The following PHF24 variants were observed in gnomAD, a reference collection of about 807,000 sequenced individuals.
PHF24 encodes Galpha inhibitory interacting protein.
In PHF24, 25 loss-of-function variants were observed where a neutral mutation model predicts 42.6. The observed-to-expected ratio is 0.59, with a 90% CI of 0.43 to 0.82. The LOEUF (loss-of-function observed/expected upper bound fraction) is 0.82, where lower values mean the gene tolerates loss of function less well. Ranked by LOEUF, PHF24 falls within the 40% of genes least tolerant of loss-of-function variation. The probability of loss-of-function intolerance (pLI) is 0.00; values close to 1 mark genes in which losing one functional copy is unlikely to be tolerated. For missense variants in PHF24, 470 were observed against 538.1 expected (o/e 0.87, Z 1.25); for synonymous variants, 185 against 204.8 (o/e 0.90, Z 0.83).
At chr9:34,876,106 G>A in the PHF24 span, among the ~76,000 whole-genome samples, 5 of 151,934 alleles carry the variant, frequency 3.3e-5, no homozygotes, top group Admixed American at 2.0e-4. Context: ...TGTGACTCTC[G>A]GATCCAATAC....
At chr9:34,876,779 A>G in the PHF24 span, among the ~76,000 whole-genome samples, 83 of 152,292 alleles carry the variant, frequency 5.5e-4, no homozygotes, top group African/African-American at 1.9e-3. Flanking sequence ...CAGTTTGGCA[A>G]TTCCTCTATT....
chr9:34,918,403 G>A, the PHF24 span: 1 of 508,564 alleles, frequency 2.0e-6, no homozygotes, highest in South Asian at 2.5e-5. Context: ...GAATACCAAG[G>A]TCTTTAAAAA....
the PHF24 span, among the ~76,000 whole-genome samples, chr9:34,771,155 A>G: frequency 2.0e-5 from 3 of 152,230 alleles, no homozygotes; most frequent in African/African-American, 7.2e-5. Context: ...AAATACAGTC[A>G]TGTGTCACTT....
the PHF24 span, among the ~76,000 whole-genome samples, chr9:34,951,295 C>T: frequency 6.6e-6 from 1 of 152,162 alleles, no homozygotes; most frequent in Non-Finnish European, 1.5e-5. Context: ...TCCCAATCCT[C>T]AGGACTTGTG....
the PHF24 span, among the ~76,000 whole-genome samples, chr9:34,681,560 C>T: frequency 4.6e-5 from 7 of 152,310 alleles, no homozygotes; most frequent in Non-Finnish European, 8.8e-5. Context: ...CCTGTAATCC[C>T]AGCCCTCTGG....
At chr9:34,669,446 G>A in the PHF24 span, among the ~76,000 whole-genome samples, 2 of 151,986 alleles carry the variant, frequency 1.3e-5, no homozygotes. Context: ...GGCCATGGAG[G>A]ATGAGCAGAG....
the PHF24 span, among the ~76,000 whole-genome samples, chr9:34,831,116 G>A: frequency 1.7e-4 from 26 of 152,160 alleles, no homozygotes; most frequent in Non-Finnish European, 2.8e-4. Context: ...TCTTTTGACA[G>A]CCAAGGTGAT....
the PHF24 span, among the ~76,000 whole-genome samples, chr9:34,807,447 T>A: frequency 6.6e-6 from 1 of 152,300 alleles, no homozygotes; most frequent in African/African-American, 2.4e-5. Flanking sequence ...TAAAAAAAGA[T>A]TCAAGAAAAG....
chr9:34,767,204 A>G, the PHF24 span, among the ~76,000 whole-genome samples: 1 of 152,214 alleles, frequency 6.6e-6, no homozygotes, highest in Non-Finnish European at 1.5e-5. Flanking sequence ...CTCCAGCTGC[A>G]TGCTGGCAGA....
the PHF24 span, among the ~76,000 whole-genome samples, chr9:34,699,224 T>G: frequency 6.6e-6 from 1 of 152,366 alleles, no homozygotes; most frequent in Non-Finnish European, 1.5e-5. Flanking sequence ...CTTCTTCTTC[T>G]GATCACACTT....
the PHF24 span, among the ~76,000 whole-genome samples, chr9:34,671,166 T>TA: frequency 1.3e-5 from 2 of 152,268 alleles, no homozygotes; most frequent in Non-Finnish European, 2.9e-5. Context: ...GCCCATTCTC[T>TA]ACCGTGGCCT....
At chr9:34,866,256 C>T in the PHF24 span, among the ~76,000 whole-genome samples, 1 of 152,166 alleles carries the variant, frequency 6.6e-6, no homozygotes, top group African/African-American at 2.4e-5. Flanking sequence ...TGTTTCTACC[C>T]AGCACTAAGG....
the PHF24 span, chr9:34,835,334 G>A: frequency 6.4e-7 from 1 of 1,551,530 alleles, no homozygotes; most frequent in Non-Finnish European, 8.7e-7. Flanking sequence ...TGGTGGGTTT[G>A]GCATAAGCTG....
chr9:34,882,667 G>A, the PHF24 span, among the ~76,000 whole-genome samples: 1 of 152,088 alleles, frequency 6.6e-6, no homozygotes, highest in African/African-American at 2.4e-5. Context: ...AGATGTGAAG[G>A]ACCTCTTCAA....
chr9:34,792,970 T>G, the PHF24 span, among the ~76,000 whole-genome samples: 3 of 152,156 alleles, frequency 2.0e-5, no homozygotes, highest in Non-Finnish European at 4.4e-5. Context: ...TTGCTTCTTA[T>G]TCAAGTATGA....
exon 3 of PHF24, chr9:34,972,433 G>A (rs1827026225): frequency 6.2e-7 from 1 of 1,614,062 alleles, no homozygotes; most frequent in Non-Finnish European, 8.5e-7. Flanking sequence ...GGTTTTCCAT[G>A]ATGGCTGCCT....
chr9:34,914,214 A>T, the PHF24 span, among the ~76,000 whole-genome samples: 1 of 152,126 alleles, frequency 6.6e-6, no homozygotes, highest in African/African-American at 2.4e-5. Context: ...TTCTTAAAAA[A>T]ATATTTTATG....
chr9:34,841,849 C>T, the PHF24 span, among the ~76,000 whole-genome samples: 3 of 152,182 alleles, frequency 2.0e-5, no homozygotes, highest in Non-Finnish European at 4.4e-5. Context: ...AAGAGTGAGA[C>T]TCCGTCTCAA....
the PHF24 span, among the ~76,000 whole-genome samples, chr9:34,765,882 T>G: frequency 7.9e-5 from 12 of 152,086 alleles, no homozygotes; most frequent in African/African-American, 2.4e-4. Flanking sequence ...AGGAGCTCTT[T>G]TAGGGCATGC....
Sources: allele counts gnomAD v4.1 joint callset (sites outside exome capture counted in the v4.1 genomes callset), GRCh38; gene constraint gnomAD v4.1.1; transcripts MANE v1.5; gene names NCBI Gene and HGNC (gene_info 2026-07-23, HGNC 2026-07-21).